The following PIK3AP1 variants were observed in gnomAD, a reference collection of about 807,000 sequenced individuals.
PIK3AP1 encodes the protein phosphoinositide 3-kinase adapter protein 1.
Under a neutral mutation model 88.1 loss-of-function variants are expected in PIK3AP1, and 21 were observed. That is an observed-to-expected ratio of 0.24 (90% CI 0.17 to 0.34). The LOEUF is 0.34. Ranked by LOEUF, PIK3AP1 falls within the 10% of genes least tolerant of loss-of-function variation. The probability of loss-of-function intolerance (pLI) is 1.00; values close to 1 mark genes in which losing one functional copy is unlikely to be tolerated. For missense variants in PIK3AP1, 828 were observed against 1,035.7 expected (o/e 0.80, Z 2.75); for synonymous variants, 398 against 400.0 (o/e 1.00, Z 0.06).
intron 2 of PIK3AP1, among the ~76,000 whole-genome samples, chr10:96,677,208 C>T (rs1310561483): frequency 1.3e-5 from 2 of 152,194 alleles, no homozygotes; most frequent in Non-Finnish European, 1.5e-5. Flanking sequence ...GCCCCCGTGA[C>T]ACATAAAAGT....
intron 1 of PIK3AP1, 52 bp from the exon 2 acceptor site, chr10:96,710,035 G>A: frequency 6.6e-7 from 1 of 1,513,266 alleles, no homozygotes; most frequent in Non-Finnish European, 8.9e-7. Context: ...CCTTCTAGGT[G>A]GCTCCCCACA....
chr10:96,717,166 G>A (rs1405804815), intron 1 of PIK3AP1, among the ~76,000 whole-genome samples: 2 of 150,488 alleles, frequency 1.3e-5, no homozygotes, highest in Non-Finnish European at 2.9e-5. Context: ...GCTGAGGCAC[G>A]AGAATCACTT....
intron 2 of PIK3AP1, among the ~76,000 whole-genome samples, chr10:96,706,413 C>T (rs1007589268): frequency 8.5e-5 from 13 of 152,076 alleles, no homozygotes; most frequent in African/African-American, 3.1e-4. Flanking sequence ...GGGAATGTAC[C>T]TAAGGACACA....
chr10:96,596,639 C>G (rs1266924249), intron 16 of PIK3AP1, among the ~76,000 whole-genome samples: 2 of 152,148 alleles, frequency 1.3e-5, no homozygotes, highest in Non-Finnish European at 2.9e-5. Context: ...CAACTGTTAT[C>G]CCAACTCTGC....
At position 96,692,572 on chromosome 10, in the gene PIK3AP1, C is replaced by CA. The variant is rs1169199189; in HGVS notation, c.430+16994dup. Among the ~76,000 whole-genome samples the CA allele has an allele frequency of 6.1e-4, 81 of 133,502 alleles. No individual in the cohort carries two copies. The East Asian group carries it at 6.9e-3, about 11-fold the overall frequency. 87.6% of individuals were successfully genotyped at this position (133,502 alleles called of 152,430 possible). A position where few individuals can be genotyped will look rare whatever the true frequency, so the allele number is the denominator to read the frequency against. On this transcript the variant is annotated intron_variant, in intron 2 of 16. Transcript: ENST00000339364. Reference sequence around the variant, plus strand: ...ACTCTGACAGAGCAAGATTCCATCTCAAAAAAAAAAAGAAAGAAAGAAAGA... The same window carrying CA: ...ACTCTGACAGAGCAAGATTCCATCTCAAAAAAAAAAAAGAAAGAAAGAAAGA...
chr10:96,627,656 C>T (rs60118579), intron 9 of PIK3AP1, among the ~76,000 whole-genome samples: 1 of 152,224 alleles, frequency 6.6e-6, no homozygotes, highest in African/African-American at 2.4e-5. Context: ...ATCAACAGAC[C>T]CCACCATACA....
chr10:96,703,828 G>C (rs1844329639), intron 2 of PIK3AP1, among the ~76,000 whole-genome samples: 2 of 152,196 alleles, frequency 1.3e-5, no homozygotes, highest in African/African-American at 4.8e-5. Flanking sequence ...ATATTACAGT[G>C]CTGGAGGCTG....
At chr10:96,682,376 C>T (rs1844015105) in intron 2 of PIK3AP1, among the ~76,000 whole-genome samples, 1 of 152,070 alleles carries the variant, frequency 6.6e-6, no homozygotes, top group Admixed American at 6.6e-5. Context: ...CCAGCTCCTG[C>T]ATCTGTTGTT....
At chr10:96,665,388 G>A (rs1241225996) in intron 2 of PIK3AP1, among the ~76,000 whole-genome samples, 1 of 152,168 alleles carries the variant, frequency 6.6e-6, no homozygotes, top group Admixed American at 6.5e-5. Flanking sequence ...TTTGGCCCTT[G>A]CTCGGTGACA....
At chr10:96,717,396 G>A (rs1313877635) in intron 1 of PIK3AP1, among the ~76,000 whole-genome samples, 1 of 152,122 alleles carries the variant, frequency 6.6e-6, no homozygotes, top group Non-Finnish European at 1.5e-5. Flanking sequence ...GGAGCCCCAT[G>A]TTTGAATCTG....
At position 96,651,605 on chromosome 10, in the gene PIK3AP1, T is replaced by G. The variant is rs747023408; in HGVS notation, c.759A>C (p.Leu253Phe). ...NVSLKIYSGD[L>F]VVCETVISYY... ...AGCTGATAACGGTTTCACACACCAC[T>G]AAGTCTCCAGAATATATCTTCAGAG... The change falls in exon 5 of 17, where the codon TTA becomes TTC. Residue 253 changes from leucine to phenylalanine, a missense_variant. Physicochemically the swap from Leu to Phe is conservative, Grantham distance 22. Coordinates refer to ENST00000339364, the MANE Select transcript of PIK3AP1 (RefSeq NM_152309.3). 5.6e-6 allele frequency: 9 copies of G among 1,613,974 alleles called. No homozygotes were observed. Among genetic ancestry groups the G allele is most frequent in the Non-Finnish European group, 6.8e-6 (8 of 1,179,970 alleles).
At chr10:96,699,816 TA>T (rs904050279) in intron 2 of PIK3AP1, among the ~76,000 whole-genome samples, 4 of 152,204 alleles carry the variant, frequency 2.6e-5, no homozygotes, top group African/African-American at 9.6e-5. Context: ...CTGTCATCTT[TA>T]AAACGGAAAT....
intron 2 of PIK3AP1, among the ~76,000 whole-genome samples, chr10:96,689,165 C>T (rs1844117164): frequency 6.6e-6 from 1 of 152,142 alleles, no homozygotes; most frequent in African/African-American, 2.4e-5. Context: ...CACTTCTCAG[C>T]CCAAATGCAA....
intron 10 of PIK3AP1, among the ~76,000 whole-genome samples, chr10:96,623,988 C>A (rs1036627617): frequency 6.6e-6 from 1 of 152,210 alleles, no homozygotes; most frequent in African/African-American, 2.4e-5. Context: ...GGGACAGATT[C>A]ATGAAGGTTA....
chr10:96,688,798 C>CA lies in PIK3AP1; in HGVS notation c.430+20768dup, dbSNP rs748306735. On this transcript the variant is annotated intron_variant, in intron 2 of 16. Coordinates refer to ENST00000339364, the MANE Select transcript of PIK3AP1 (RefSeq NM_152309.3). ...TGGGTGATAGAGCAAGACTCTGTCT[C>CA]AAAAAAAAGAAAGAAAGAAAGAAAG... Among the ~76,000 whole-genome samples the CA allele has an allele frequency of 4.3e-3, 646 of 149,922 alleles. 4 individuals are homozygous for CA. The highest frequency in any genetic ancestry group is 0.01 in the Middle Eastern group (3 of 290).
At chr10:96,642,116 C>T (rs1843396576) in intron 8 of PIK3AP1, among the ~76,000 whole-genome samples, 1 of 151,956 alleles carries the variant, frequency 6.6e-6, no homozygotes, top group Non-Finnish European at 1.5e-5. Flanking sequence ...ATTCAGAGTT[C>T]ACATAACTGG....
At position 96,623,494 on chromosome 10, in the gene PIK3AP1, A is replaced by G; in HGVS notation, c.1713T>C (p.Val571=). 1 of 1,612,182 alleles carries G rather than the reference A, an allele frequency of 6.2e-7. No individual in the cohort carries two copies. The highest frequency in any genetic ancestry group is 8.5e-7 in the Non-Finnish European group (1 of 1,178,502). ...KSQERPGNFY[V]SSESIRKGPP... The stretch of plus-strand genomic sequence containing the variant: ...TACCTTTCCTGATGCTCTCTGAGGA[A>G]ACGTAGAAATTCCCAGGCCGCTCTT... The change falls in exon 11 of 17, where the codon GTT becomes GTC. Residue 571 remains valine, a synonymous_variant. Coordinates refer to ENST00000339364, the MANE Select transcript of PIK3AP1 (RefSeq NM_152309.3).
intron 2 of PIK3AP1, among the ~76,000 whole-genome samples, chr10:96,689,711 C>T (rs1175993328): frequency 6.6e-6 from 1 of 152,146 alleles, no homozygotes; most frequent in Non-Finnish European, 1.5e-5. Context: ...TATGTACATG[C>T]CAGTCCCACA....
At chr10:96,612,950 G>GTGTGTGTATATATA (rs1481031378) in intron 13 of PIK3AP1, among the ~76,000 whole-genome samples, 4 of 59,700 alleles carry the variant, frequency 6.7e-5, no homozygotes, top group African/African-American at 3.1e-4. Context: ...GTGTGTGTGT[G>GTGTGTGTATATATA]TATATATATA....
Sources: gnomAD v4.1 joint callset for allele counts (sites outside exome capture counted in the v4.1 genomes callset) on GRCh38, gnomAD v4.1.1 for gene constraint, MANE v1.5 for transcripts, NCBI Gene and HGNC (gene_info 2026-07-23, HGNC 2026-07-21) for gene names.